The following TENT5D variants were observed in gnomAD, a reference collection of about 807,000 sequenced individuals.
TENT5D encodes the protein terminal nucleotidyltransferase 5D, also known as cancer/testis antigen 112.
For missense variants in TENT5D, 191 were observed against 287.0 expected, an observed-to-expected ratio of 0.67 and a Z score of 2.42; for synonymous variants, 103 against 100.6, an observed-to-expected ratio of 1.02 and a Z score of -0.15.
At chrX:80,404,765 A>G (rs181894327) in intron 3 of TENT5D, among the ~76,000 whole-genome samples, 49 of 112,211 alleles carry the variant, frequency 4.4e-4, no homozygotes, top group African/African-American at 1.5e-3. Flanking sequence ...TCCTTTTTAG[A>G]TGCAGGAGTC....
intron 3 of TENT5D, among the ~76,000 whole-genome samples, chrX:80,370,048 G>A (rs906965570): frequency 2.7e-5 from 3 of 110,361 alleles, no homozygotes; most frequent in African/African-American, 6.6e-5. Context: ...TCAGCCTCCT[G>A]AGTAGCTGGG....
chrX:80,337,814 C>G (rs937960406), intron 2 of TENT5D, among the ~76,000 whole-genome samples: 2 of 110,600 alleles, frequency 1.8e-5, no homozygotes, highest in Non-Finnish European at 3.8e-5. Context: ...GTTGCCCAGG[C>G]TGGAGTGCAG....
intron 1 of TENT5D, among the ~76,000 whole-genome samples, chrX:80,429,537 A>G (rs1245084699): frequency 9.1e-6 from 1 of 109,876 alleles, no homozygotes; most frequent in African/African-American, 3.3e-5. Context: ...TCCTGACCTC[A>G]AGTGATCCTC....
At chrX:80,366,070 A>G (rs1262002731) in intron 3 of TENT5D, among the ~76,000 whole-genome samples, 2 of 111,128 alleles carry the variant, frequency 1.8e-5, no homozygotes, top group Non-Finnish European at 3.8e-5. Flanking sequence ...TGATTAATTC[A>G]AAGGTCTCAC....
At chrX:80,379,409 C>CT (rs1200294519) in intron 3 of TENT5D, among the ~76,000 whole-genome samples, 16 of 110,488 alleles carry the variant, frequency 1.4e-4, no homozygotes, top group Non-Finnish European at 3.8e-5. Context: ...CTGAAATTCT[C>CT]TTTTTTTGTT....
intron 3 of TENT5D, among the ~76,000 whole-genome samples, chrX:80,409,779 G>A (rs1278658444): frequency 6.8e-5 from 7 of 103,129 alleles, no homozygotes; most frequent in Non-Finnish European, 1.2e-4. Flanking sequence ...AAAAGAGCCC[G>A]CATCGCCAAG....
chrX:80,336,734 C>G (rs1929858787), intron 2 of TENT5D, among the ~76,000 whole-genome samples: 1 of 111,591 alleles, frequency 9.0e-6, no homozygotes, highest in Non-Finnish European at 1.9e-5. Context: ...AGTTCCTAGA[C>G]TTATATGTAG....
intron 3 of TENT5D, among the ~76,000 whole-genome samples, chrX:80,342,780 G>T (rs1929984094): frequency 9.0e-6 from 1 of 111,713 alleles, no homozygotes; most frequent in Non-Finnish European, 1.9e-5. Context: ...AATAAATAAT[G>T]TATGATTTCA....
chrX:80,366,932 T>C (rs762838450), intron 3 of TENT5D, among the ~76,000 whole-genome samples: 1 of 111,720 alleles, frequency 9.0e-6, no homozygotes, highest in African/African-American at 3.2e-5. Context: ...TTATCTCATC[T>C]TAATTTTCAT....
chrX:80,408,424 A>T (rs776759733), intron 3 of TENT5D, among the ~76,000 whole-genome samples: 65 of 110,369 alleles, frequency 5.9e-4, no homozygotes, highest in African/African-American at 2.0e-3. Flanking sequence ...ATATCACCAC[A>T]GATCCCACAG....
At chrX:80,399,964 T>G (rs1407187869) in intron 3 of TENT5D, among the ~76,000 whole-genome samples, 1 of 111,170 alleles carries the variant, frequency 9.0e-6, no homozygotes, top group Non-Finnish European at 1.9e-5. Context: ...ATCTAGGTAT[T>G]TGGGAGGGAA....
intron 3 of TENT5D, among the ~76,000 whole-genome samples, chrX:80,397,290 C>T (rs1249387079): frequency 1.9e-4 from 20 of 104,085 alleles, no homozygotes; most frequent in Non-Finnish European, 2.8e-4. Context: ...ACATCCCAGA[C>T]GGGGTGGCGG....
chrX:80,398,516 C>G (rs1383923050), intron 3 of TENT5D, among the ~76,000 whole-genome samples: 1 of 109,689 alleles, frequency 9.1e-6, no homozygotes. Flanking sequence ...CCTGTGTTTT[C>G]TTTCAGTCGT....
At chrX:80,353,896 G>C (rs1420749811) in intron 3 of TENT5D, among the ~76,000 whole-genome samples, 1 of 111,967 alleles carries the variant, frequency 8.9e-6, no homozygotes, top group African/African-American at 3.2e-5. Flanking sequence ...TTCCCACCTG[G>C]AGTGTACAAG....
At chrX:80,419,464 A>G (rs781148666), upstream of TENT5D, among the ~76,000 whole-genome samples, 11 of 112,193 alleles carry the variant, frequency 9.8e-5, no homozygotes, top group African/African-American at 2.3e-4. Flanking sequence ...GGAAAATGCT[A>G]TAAATTATCT....
chrX:80,374,901 G>C (rs1219390689), intron 3 of TENT5D, among the ~76,000 whole-genome samples: 2 of 111,005 alleles, frequency 1.8e-5, no homozygotes, highest in South Asian at 7.5e-4. Flanking sequence ...CCATTTTTGG[G>C]GGGTGTCATG....
rs746777621 is a variant in TENT5D, at chrX:80,337,925, C to T, written c.-207+2209C>T. ...GACTACAGGCCCACGCCGCCACACC[C>T]GGCTAATTTTTTGTATTTTAGTAGA... On this transcript the variant is annotated intron_variant, in intron 2 of 4. Coordinates refer to the TENT5D transcript ENST00000538312. 4.6e-3 allele frequency among the ~76,000 whole-genome samples: 508 copies of T among 110,792 alleles called. 3 individuals carry two copies. Among genetic ancestry groups the T allele is most frequent in the African/African-American group, 0.016 (478 of 30,446 alleles).
chrX:80,429,852 G>A (rs771677475), intron 1 of TENT5D, among the ~76,000 whole-genome samples: 8 of 111,379 alleles, frequency 7.2e-5, no homozygotes, highest in African/African-American at 9.8e-5. Flanking sequence ...ATTGAATTAC[G>A]AGATAGGGAG....
At chrX:80,396,614 A>G (rs993704517) in intron 3 of TENT5D, among the ~76,000 whole-genome samples, 1 of 110,467 alleles carries the variant, frequency 9.1e-6, no homozygotes, top group East Asian at 2.9e-4. Context: ...CAACAGGATC[A>G]CAAGGCAGAA....
Sources: allele counts gnomAD v4.1 joint callset (sites outside exome capture counted in the v4.1 genomes callset), GRCh38; gene constraint gnomAD v4.1.1; transcripts MANE v1.5; gene names NCBI Gene and HGNC (gene_info 2026-07-23, HGNC 2026-07-21).